Variants in SLC28A3 observed in about 807,000 individuals in gnomAD.
SLC28A3 encodes the protein solute carrier family 28 member 3.
SLC28A3 carries 68 observed loss-of-function variants against 84.2 expected under a neutral mutation model. The observed-to-expected ratio is 0.81, with a 90% CI of 0.66 to 0.99. The LOEUF (loss-of-function observed/expected upper bound fraction) is 0.99. SLC28A3 is among the 50% of genes least tolerant of loss of function. The pLI is 0.00. For missense variants in SLC28A3, 712 were observed against 841.5 expected (o/e 0.85, Z 1.90); for synonymous variants, 267 against 303.6 (o/e 0.88, Z 1.25).
chr9:84,315,952 G>A (rs372074996), intron 1 of SLC28A3, among the ~76,000 whole-genome samples: 1 of 152,192 alleles, frequency 6.6e-6, no homozygotes, highest in Non-Finnish European at 1.5e-5. Context: ...TGTAAGAAAG[G>A]TGAGGGAATT....
chr9:84,319,858 C>G (rs745474224), intron 1 of SLC28A3, among the ~76,000 whole-genome samples: 1 of 152,030 alleles, frequency 6.6e-6, no homozygotes, highest in Non-Finnish European at 1.5e-5. Context: ...ACTCTGCCAG[C>G]CATGGTGCTG....
At chr9:84,357,058 G>A in the SLC28A3 span, among the ~76,000 whole-genome samples, 2 of 152,070 alleles carry the variant, frequency 1.3e-5, no homozygotes, top group African/African-American at 4.8e-5. Context: ...TATGCCATTG[G>A]TTTCCTGTCT....
intron 1 of SLC28A3, among the ~76,000 whole-genome samples, chr9:84,324,310 G>A (rs1305491309): frequency 6.6e-6 from 1 of 152,178 alleles, no homozygotes; most frequent in African/African-American, 2.4e-5. Flanking sequence ...AATGGAGTTT[G>A]GCAGATGCGA....
chr9:84,310,808 CTTAT>C (rs1672043729), intron 2 of SLC28A3, among the ~76,000 whole-genome samples: 1 of 152,158 alleles, frequency 6.6e-6, no homozygotes, highest in Non-Finnish European at 1.5e-5. Flanking sequence ...GGAGTTGAGT[CTTAT>C]TTATTTATTT....
intron 8 of SLC28A3, among the ~76,000 whole-genome samples, chr9:84,294,790 C>T (rs1564153183): frequency 1.3e-5 from 2 of 152,114 alleles, no homozygotes; most frequent in African/African-American, 2.4e-5. Flanking sequence ...ATGGTCTAAG[C>T]GTGTGTGTTT....
At chr9:84,352,897 A>C in the SLC28A3 span, among the ~76,000 whole-genome samples, 95 of 150,882 alleles carry the variant, frequency 6.3e-4, no homozygotes, top group African/African-American at 2.3e-3. Context: ...TGTCTCAAAA[A>C]AAAAAAAAAA....
At chr9:84,283,625 CAAAT>C (rs1824857328) in intron 14 of SLC28A3, among the ~76,000 whole-genome samples, 1 of 151,946 alleles carries the variant, frequency 6.6e-6, no homozygotes, top group African/African-American at 2.4e-5. Flanking sequence ...TACATGTAAA[CAAAT>C]GAATAAAAAC....
At chr9:84,297,120 T>C in intron 8 of SLC28A3, 101 bp downstream of exon 8, 1 of 841,946 alleles carries the variant, frequency 1.2e-6, no homozygotes, top group Non-Finnish European at 1.9e-6. Flanking sequence ...GCGCAGTAGG[T>C]ATATACCTGG....
At chr9:84,338,014 G>C (rs763996253) in intron 1 of SLC28A3, among the ~76,000 whole-genome samples, 1 of 152,192 alleles carries the variant, frequency 6.6e-6, no homozygotes, top group Non-Finnish European at 1.5e-5. Flanking sequence ...GTCCAGATGA[G>C]AGCCTGTCCA....
At chr9:84,368,637 CT>C in the SLC28A3 span, among the ~76,000 whole-genome samples, 37 of 152,186 alleles carry the variant, frequency 2.4e-4, no homozygotes, top group African/African-American at 8.7e-4. Context: ...GTGCCCTATC[CT>C]GCTGTGGCTG....
chr9:84,292,645 G>A (rs2118185592), intron 10 of SLC28A3, 23 bp downstream of exon 10: 1 of 1,552,298 alleles, frequency 6.4e-7, no homozygotes, highest in South Asian at 1.1e-5. Context: ...CAGATGTTTT[G>A]TTCTGTTGAT....
chr9:84,330,172 A>T lies in SLC28A3; in HGVS notation c.60+10402T>A, dbSNP rs551564741. ...CTTAACTTACTTAAGGGAAAAAAAA[A>T]GCTCAAAAAAACTAATAGCAAGTGA... On this transcript the variant is annotated intron_variant, in intron 1 of 17. Coordinates refer to ENST00000376238, the MANE Select transcript of SLC28A3 (RefSeq NM_001199633.2). 1.9e-4 allele frequency among the ~76,000 whole-genome samples: 29 copies of T among 152,232 alleles called. No individual in the cohort carries two copies. The South Asian group carries it at 5.8e-3, about 30-fold the overall frequency.
At chr9:84,302,142 G>A (rs1825654927) in intron 5 of SLC28A3, 58 bp downstream of exon 5, 9 of 1,523,350 alleles carry the variant, frequency 5.9e-6, no homozygotes, top group South Asian at 1.2e-5. Context: ...TTTTTGAAAC[G>A]GTGTTGGAAA....
At chr9:84,306,600 C>T (rs190923932) in intron 3 of SLC28A3, among the ~76,000 whole-genome samples, 12 of 152,102 alleles carry the variant, frequency 7.9e-5, no homozygotes, top group Non-Finnish European at 8.8e-5. Context: ...AATTCCCAAC[C>T]CATTAACCTT....
Position 84,280,081 on chromosome 9 carries a change from A to G in SLC28A3, c.1730-8T>C. 6.2e-7 allele frequency: 1 copy of G among 1,612,700 alleles called. No individual in the cohort carries two copies. Among genetic ancestry groups the G allele is most frequent in the East Asian group, 2.2e-5 (1 of 44,858 alleles). ...TGGAAGGAGCCATGGATGCTGGGAA[A>G]CATGGAAGGAGGGATGTGAGATCAA... On this transcript the variant is annotated splice_region_variant and splice_polypyrimidine_tract_variant and intron_variant, in intron 15 of 17. Transcript: ENST00000376238.
chr9:84,278,053 G>T lies in SLC28A3; in HGVS notation c.*165C>A. The T allele has an allele frequency of 1.1e-6, 1 of 902,528 alleles. No individual in the cohort carries two copies. Among genetic ancestry groups the T allele is most frequent in the Non-Finnish European group, 1.6e-6 (1 of 624,604 alleles). 55.9% of individuals were successfully genotyped at this position (902,528 alleles called of 1,614,324 possible). ...TGGGGAGGGAGGGGAGGAGGAAAAT[G>T]TTGTAGCTTTGAAGGTCCACTCTTG... On this transcript the variant is annotated 3_prime_UTR_variant, in exon 18 of 18. Transcript: ENST00000376238.
In SLC28A3 at chr9:84,288,694, A is replaced by T. The variant is rs12379354; in HGVS notation, c.1150-516T>A. ...TGAGTAGCTGGGATTACAGGAGCCCACCACCACACCTAGCTAATTTTTGTA... is the reference window on the plus strand; with the variant it reads ...TGAGTAGCTGGGATTACAGGAGCCCTCCACCACACCTAGCTAATTTTTGTA... On this transcript the variant is annotated intron_variant, in intron 11 of 17. Transcript: ENST00000376238. Among the ~76,000 whole-genome samples the T allele has an allele frequency of 0.025, 3,850 of 152,070 alleles. 287 individuals carry two copies. In the East Asian group the frequency reaches 0.26, roughly 10 times the overall value.
At chr9:84,321,860 G>A (rs933718913) in intron 1 of SLC28A3, among the ~76,000 whole-genome samples, 3 of 151,936 alleles carry the variant, frequency 2.0e-5, no homozygotes, top group African/African-American at 7.3e-5. Flanking sequence ...GACCAGCCTG[G>A]CCAACATGGT....
chr9:84,291,480 G>A (rs1184202970), intron 10 of SLC28A3, among the ~76,000 whole-genome samples: 1 of 152,164 alleles, frequency 6.6e-6, no homozygotes, highest in African/African-American at 2.4e-5. Context: ...GGGATTCCAG[G>A]CATACGCCAC....
Sources: gnomAD v4.1 joint callset for allele counts (sites outside exome capture counted in the v4.1 genomes callset) on GRCh38, gnomAD v4.1.1 for gene constraint, MANE v1.5 for transcripts, NCBI Gene and HGNC (gene_info 2026-07-23, HGNC 2026-07-21) for gene names.